DCLK2: variants seen among roughly 807,000 people sequenced by gnomAD.
The protein encoded by DCLK2 is doublecortin like kinase 2.
A neutral mutation model predicts 78.4 loss-of-function variants in DCLK2; 31 were observed. The ratio of observed to expected loss-of-function variants is 0.40; its 90% CI spans 0.30 to 0.53. The LOEUF (loss-of-function observed/expected upper bound fraction) is 0.53, where lower values mean the gene tolerates loss of function less well. Ranked by LOEUF, DCLK2 falls within the 20% of genes least tolerant of loss-of-function variation. DCLK2 has a pLI of 0.61. For missense variants in DCLK2, 872 were observed against 973.7 expected (o/e 0.90, Z 1.39); for synonymous variants, 407 against 374.9 (o/e 1.09, Z -0.99).
intron 2 of DCLK2, among the ~76,000 whole-genome samples, chr4:150,160,736 G>T (rs1735643537): frequency 6.6e-6 from 1 of 152,154 alleles, no homozygotes; most frequent in African/African-American, 2.4e-5. Flanking sequence ...CATTCCTGTT[G>T]GACTCTGTTC....
intron 2 of DCLK2, among the ~76,000 whole-genome samples, chr4:150,115,822 A>T (rs774546301): frequency 1.1e-4 from 17 of 152,136 alleles, no homozygotes; most frequent in Non-Finnish European, 2.1e-4. Flanking sequence ...AACAGTTCAG[A>T]CTTCAGGCCA....
intron 15 of DCLK2, among the ~76,000 whole-genome samples, chr4:150,252,127 A>G (rs1744217207): frequency 6.6e-6 from 1 of 152,204 alleles, no homozygotes; most frequent in Non-Finnish European, 1.5e-5. Context: ...TACAGCTTAG[A>G]CACTTTGAAA....
chr4:150,190,152 G>A (rs554584035), intron 2 of DCLK2, among the ~76,000 whole-genome samples: 14 of 151,586 alleles, frequency 9.2e-5, no homozygotes, highest in African/African-American at 3.2e-4. Flanking sequence ...ACAGTGAGCC[G>A]TGATCATGCT....
intron 2 of DCLK2, among the ~76,000 whole-genome samples, chr4:150,126,935 A>C (rs4557242): frequency 2.0e-5 from 3 of 152,010 alleles, no homozygotes; most frequent in African/African-American, 7.2e-5. Flanking sequence ...TTTGTCTCTC[A>C]TGATCTTTTT....
At position 150,247,665 on chromosome 4, in the gene DCLK2, C is replaced by A; in HGVS notation, c.1841C>A (p.Ala614Asp). ...QILAGKLEFPAPYWDNITDSA... is the reference protein window; with the variant it reads ...QILAGKLEFPDPYWDNITDSA... ...TTGGCTGGGAAGCTGGAGTTTCCGG[C>A]CCCCTACTGGGATAACATCACGGAC... Residue 614 changes from alanine (A) to aspartate (D), a missense_variant, in exon 13 of 16, where the codon GCC (alanine) becomes GAC (aspartate). Ala to Asp is a moderately radical substitution (Grantham distance 126). This residue lies in a region of DCLK2 where 219 missense variants were observed against 230.1 expected (regional missense o/e 0.95). Coordinates refer to ENST00000296550, the MANE Select transcript of DCLK2 (RefSeq NM_001040260.4). 2 of 1,614,062 alleles carry A rather than the reference C, an allele frequency of 1.2e-6. No homozygotes were observed. The highest frequency in any genetic ancestry group is 1.7e-6 in the Non-Finnish European group (2 of 1,179,998).
At chr4:150,190,785 TTG>T (rs1738392480) in intron 2 of DCLK2, among the ~76,000 whole-genome samples, 1 of 152,034 alleles carries the variant, frequency 6.6e-6, no homozygotes, top group South Asian at 2.1e-4. Flanking sequence ...ACTGGGTGAA[TTG>T]TGTGGTCTGC....
intron 8 of DCLK2, among the ~76,000 whole-genome samples, chr4:150,231,208 C>T (rs1742032755): frequency 1.3e-5 from 2 of 152,238 alleles, no homozygotes; most frequent in South Asian, 2.1e-4. Flanking sequence ...AGTGTTCAAA[C>T]ATTACACAAG....
chr4:150,186,047 G>GT (rs1435838500), intron 2 of DCLK2, among the ~76,000 whole-genome samples: 1 of 151,992 alleles, frequency 6.6e-6, no homozygotes, highest in Non-Finnish European at 1.5e-5. Context: ...CTTTCCCCTC[G>GT]TTTGTATAGC....
intron 2 of DCLK2, among the ~76,000 whole-genome samples, chr4:150,185,128 A>G (rs1261956583): frequency 6.6e-6 from 1 of 152,218 alleles, no homozygotes; most frequent in South Asian, 2.1e-4. Flanking sequence ...ACGGTTCAGC[A>G]TGGCTGGGGA....
At chr4:150,117,513 C>G (rs949247733) in intron 2 of DCLK2, among the ~76,000 whole-genome samples, 2 of 152,166 alleles carry the variant, frequency 1.3e-5, no homozygotes, top group Admixed American at 6.5e-5. Flanking sequence ...GTTCATCCCC[C>G]CCTTAAGATT....
At chr4:150,122,695 A>G (rs1013204961) in intron 2 of DCLK2, among the ~76,000 whole-genome samples, 1 of 152,216 alleles carries the variant, frequency 6.6e-6, no homozygotes, top group Non-Finnish European at 1.5e-5. Context: ...TAGCACGTGT[A>G]TACCTATGTA....
intron 1 of DCLK2, among the ~76,000 whole-genome samples, chr4:150,088,697 G>A (rs529756714): frequency 1.3e-5 from 2 of 152,254 alleles, no homozygotes; most frequent in East Asian, 3.9e-4. Flanking sequence ...AACTTTTTGA[G>A]TACTAATGTG....
chr4:150,116,167 T>A (rs1425492064), intron 2 of DCLK2, among the ~76,000 whole-genome samples: 1 of 152,192 alleles, frequency 6.6e-6, no homozygotes, highest in Non-Finnish European at 1.5e-5. Context: ...TGGAGGGCAC[T>A]CCTCCTGTGG....
At chr4:150,201,435 C>T (rs561218625) in intron 4 of DCLK2, among the ~76,000 whole-genome samples, 1 of 152,172 alleles carries the variant, frequency 6.6e-6, no homozygotes, top group Non-Finnish European at 1.5e-5. Context: ...AAGAACTACT[C>T]ATTCAAGCAC....
Position 150,167,535 on chromosome 4 carries a change from G to C in DCLK2, c.757-25603G>C, listed in dbSNP as rs529162894. ...ACCTACCGGCAAAAAAGGGAGAGGG[G>C]CTCATTCAATGCAGTCCTACCATTA... On this transcript the variant is annotated intron_variant, in intron 2 of 15. Coordinates refer to ENST00000296550, the MANE Select transcript of DCLK2 (RefSeq NM_001040260.4). Among the ~76,000 whole-genome samples, 11 of 152,262 alleles carry C rather than the reference G, an allele frequency of 7.2e-5. No individual in the cohort carries two copies. The South Asian group carries it at 2.3e-3, about 32-fold the overall frequency.
Position 150,079,071 on chromosome 4 carries a change from G to C in DCLK2, c.44G>C (p.Arg15Pro), listed in dbSNP as rs529183260. The change falls in exon 1 of 16, where the codon CGG becomes CCG. Residue 15 changes from arginine to proline, a missense_variant. Around this residue, in one of 3 missense-constraint regions of DCLK2, gnomAD observed 567 missense variants for 593.4 expected, o/e 0.96. Coordinates refer to ENST00000296550, the MANE Select transcript of DCLK2 (RefSeq NM_001040260.4). ...ATCGAGCTGGAGCACTTTGAGGAAC[G>C]GGACAAAAGGCCGCGGCCGGGGTCG... ...RSIELEHFEE[R>P]DKRPRPGSRR... The C allele has an allele frequency of 1.5e-5, 23 of 1,557,186 alleles. No individual in the cohort carries two copies. Among genetic ancestry groups the C allele is most frequent in the Admixed American group, 2.0e-5 (1 of 50,742 alleles).
intron 2 of DCLK2, among the ~76,000 whole-genome samples, chr4:150,117,406 A>G (rs1028557527): frequency 4.6e-5 from 7 of 152,184 alleles, no homozygotes; most frequent in Admixed American, 3.3e-4. Flanking sequence ...CTTTCAGGCT[A>G]TGCCCTTCTT....
intron 1 of DCLK2, among the ~76,000 whole-genome samples, chr4:150,085,280 A>G (rs1035633494): frequency 5.3e-5 from 8 of 152,190 alleles, no homozygotes; most frequent in African/African-American, 1.9e-4. Flanking sequence ...TTCTCTTGCT[A>G]TAACAGAATA....
chr4:150,161,048 G>C (rs1041289865), intron 2 of DCLK2, among the ~76,000 whole-genome samples: 3 of 152,086 alleles, frequency 2.0e-5, no homozygotes, highest in African/African-American at 7.2e-5. Context: ...AAAAAGAAAT[G>C]ACAAAAAGGA....
Sources: gnomAD v4.1 joint callset for allele counts (sites outside exome capture counted in the v4.1 genomes callset) on GRCh38, gnomAD v4.1.1 for gene constraint, gnomAD v4.1.1 regional missense constraint, MANE v1.5 for transcripts, NCBI Gene and HGNC (gene_info 2026-07-23, HGNC 2026-07-21) for gene names.